The following CREB5 variants were observed in gnomAD, a reference collection of about 807,000 sequenced individuals.
CREB5 encodes the protein cyclic AMP-responsive element-binding protein 5.
Under a neutral mutation model 57.1 loss-of-function variants are expected in CREB5, and 19 were observed. The observed-to-expected ratio is 0.33, with a 90% CI of 0.23 to 0.49. The LOEUF is 0.49. Ranked by LOEUF, CREB5 falls within the 20% of genes least tolerant of loss-of-function variation. CREB5 has a pLI of 0.99. For synonymous variants in CREB5, 238 were observed against 238.3 expected, an observed-to-expected ratio of 1.00 and a Z score of 0.01; for missense variants, 579 against 671.6, an observed-to-expected ratio of 0.86 and a Z score of 1.52.
chr7:28,521,082 A>C (rs1229785187), intron 4 of CREB5, among the ~76,000 whole-genome samples: 1 of 152,218 alleles, frequency 6.6e-6, no homozygotes, highest in Non-Finnish European at 1.5e-5. Flanking sequence ...TAATAAAGGC[A>C]AAAGAAAAGG....
chr7:28,602,869 G>A (rs1422393727), intron 5 of CREB5, among the ~76,000 whole-genome samples: 1 of 152,070 alleles, frequency 6.6e-6, no homozygotes, highest in African/African-American at 2.4e-5. Flanking sequence ...ATGTAAAATC[G>A]GTGAAATCTG....
At chr7:28,765,430 G>A (rs181733057) in intron 7 of CREB5, among the ~76,000 whole-genome samples, 12 of 152,332 alleles carry the variant, frequency 7.9e-5, no homozygotes, top group Middle Eastern at 3.4e-3. Flanking sequence ...TGTATTAGGT[G>A]TGTAGTGAAA....
chr7:28,445,477 A>G (rs1205523931), intron 1 of CREB5, among the ~76,000 whole-genome samples: 3 of 152,126 alleles, frequency 2.0e-5, no homozygotes, highest in Non-Finnish European at 4.4e-5. Context: ...GGAAGAAACT[A>G]AGAATCCTTG....
At chr7:28,492,868 C>T (rs181597679) in intron 2 of CREB5, among the ~76,000 whole-genome samples, 3 of 152,012 alleles carry the variant, frequency 2.0e-5, no homozygotes, top group Non-Finnish European at 4.4e-5. Flanking sequence ...CTAAATCACA[C>T]GTGGTAGTGC....
chr7:28,682,974 C>T (rs911647300), intron 5 of CREB5, among the ~76,000 whole-genome samples: 16 of 152,266 alleles, frequency 1.1e-4, no homozygotes, highest in South Asian at 2.1e-4. Flanking sequence ...TGAGTTACAC[C>T]GAACAGCTGC....
Position 28,688,842 on chromosome 7 carries a change from A to G in CREB5, c.465-29911A>G, listed in dbSNP as rs187723130. On this transcript the variant is annotated intron_variant, in intron 5 of 10. Transcript: ENST00000357727. ...AAGTGTATGCTTGGGACTCTTCAGG[A>G]ATAAAGAGGGCATGATTTCTTTTTT... is the stretch of plus-strand genomic sequence containing the variant. 1.5e-3 allele frequency among the ~76,000 whole-genome samples: 226 copies of G among 152,292 alleles called. 1 individual carries two copies. Among genetic ancestry groups the G allele is most frequent in the Non-Finnish European group, 9.7e-4 (66 of 68,028 alleles).
At chr7:28,431,943 A>G (rs1174688679) in intron 1 of CREB5, among the ~76,000 whole-genome samples, 4 of 150,050 alleles carry the variant, frequency 2.7e-5, no homozygotes, top group Admixed American at 2.6e-4. Context: ...TGCAATGGGG[A>G]ACATTTGCAG....
intron 5 of CREB5, among the ~76,000 whole-genome samples, chr7:28,609,850 A>C (rs1165190409): frequency 6.6e-6 from 1 of 152,250 alleles, no homozygotes; most frequent in Admixed American, 6.5e-5. Context: ...AGGTGGACAC[A>C]TGGGGTCAGA....
At chr7:28,643,813 C>T (rs1377113666) in intron 5 of CREB5, among the ~76,000 whole-genome samples, 2 of 150,346 alleles carry the variant, frequency 1.3e-5, no homozygotes, top group Non-Finnish European at 3.0e-5. Flanking sequence ...GGTGTGGTGG[C>T]TCATGCCTGG....
chr7:28,349,344 C>T lies in CREB5; in HGVS notation c.-25+49903C>T, dbSNP rs77669495. Among the ~76,000 whole-genome samples, 967 of 152,148 alleles carry T rather than the reference C, an allele frequency of 6.4e-3. 8 individuals are homozygous for T. The highest frequency in any genetic ancestry group is 0.022 in the African/African-American group (907 of 41,502). ...AGTTTAGACAGATCGAACAGTCTTT[C>T]GTTCTTAGCTTTCCCTAATTTTCAA... On this transcript the variant is annotated intron_variant, in intron 1 of 9. Coordinates refer to the CREB5 transcript ENST00000396299.
chr7:28,496,943 C>T (rs1792083578), intron 3 of CREB5, among the ~76,000 whole-genome samples: 1 of 152,066 alleles, frequency 6.6e-6, no homozygotes, highest in African/African-American at 2.4e-5. Flanking sequence ...GTTTTGTATC[C>T]GTTATGTTCT....
At chr7:28,491,142 C>T (rs940591051) in intron 2 of CREB5, 24 of 891,942 alleles carry the variant, frequency 2.7e-5, no homozygotes, top group Non-Finnish European at 3.0e-5. Context: ...TTCAAGAGCA[C>T]TAGGCAGTGA....
At chr7:28,707,795 C>T (rs1402634711) in intron 5 of CREB5, among the ~76,000 whole-genome samples, 3 of 152,200 alleles carry the variant, frequency 2.0e-5, no homozygotes, top group African/African-American at 7.2e-5. Flanking sequence ...TACTATTCTG[C>T]TTCAGTTGTG....
intron 3 of CREB5, among the ~76,000 whole-genome samples, chr7:28,504,578 A>C (rs28501646): frequency 0.21 from 32,392 of 152,136 alleles, 3,926 homozygotes; most frequent in African/African-American, 0.33. Context: ...AAGGGAATAA[A>C]CCCATCTCAA....
At chr7:28,727,069 A>G (rs1157840931) in intron 7 of CREB5, among the ~76,000 whole-genome samples, 1 of 151,692 alleles carries the variant, frequency 6.6e-6, no homozygotes, top group Non-Finnish European at 1.5e-5. Context: ...CAAGTTCTCC[A>G]GCGCATTAAT....
chr7:28,304,569 C>T (rs866414052), intron 1 of CREB5, among the ~76,000 whole-genome samples: 6 of 152,148 alleles, frequency 3.9e-5, no homozygotes, highest in Admixed American at 1.3e-4. Context: ...GAACCACAAA[C>T]TTGTTCCTAT....
chr7:28,608,111 TCTCACACACACTCACACA>T (rs1477658523), intron 5 of CREB5, among the ~76,000 whole-genome samples: 7 of 109,448 alleles, frequency 6.4e-5, no homozygotes, highest in African/African-American at 2.7e-4. Context: ...TCTCTCTCTC[TCTCACACACACTCACACA>T]CACACACACA....
chr7:28,612,548 GTGT>G (rs1797433969), intron 5 of CREB5, among the ~76,000 whole-genome samples: 6 of 57,414 alleles, frequency 1.0e-4, no homozygotes, highest in African/African-American at 5.3e-4. Context: ...GAAGGGGTGT[GTGT>G]GTGTGTGTGT....
chr7:28,373,925 G>A (rs373826276), intron 1 of CREB5, among the ~76,000 whole-genome samples: 9 of 120,876 alleles, frequency 7.4e-5, no homozygotes, highest in Non-Finnish European at 9.8e-5. Context: ...ATATATATAT[G>A]TATAACTTTC....
Sources: gnomAD v4.1 joint callset for allele counts (sites outside exome capture counted in the v4.1 genomes callset) on GRCh38, gnomAD v4.1.1 for gene constraint, MANE v1.5 for transcripts, NCBI Gene and HGNC (gene_info 2026-07-23, HGNC 2026-07-21) for gene names.